MARCHF1: variants seen among roughly 807,000 people sequenced by gnomAD.
The protein encoded by MARCHF1 is E3 ubiquitin-protein ligase MARCHF1.
MARCHF1 carries 40 observed loss-of-function variants against 54.2 expected under a neutral mutation model. The observed-to-expected ratio is 0.74, with a 90% CI of 0.57 to 0.96. The LOEUF (loss-of-function observed/expected upper bound fraction) is 0.96, where lower values mean the gene tolerates loss of function less well. Among genes scored for constraint, MARCHF1 ranks in the 40% least tolerant of loss-of-function variants. MARCHF1 has a pLI of 0.00. For missense variants in MARCHF1, 586 were observed against 656.5 expected (o/e 0.89, Z 1.17); for synonymous variants, 236 against 236.3 (o/e 1.00, Z 0.01).
At chr4:164,339,478 T>C (rs1018365604) in intron 1 of MARCHF1, among the ~76,000 whole-genome samples, 37 of 152,132 alleles carry the variant, frequency 2.4e-4, no homozygotes, top group Middle Eastern at 6.8e-3. Context: ...GAACAACCAA[T>C]GATCCAAAAC....
At chr4:164,257,820 T>C (rs1733335931) in intron 1 of MARCHF1, among the ~76,000 whole-genome samples, 2 of 152,142 alleles carry the variant, frequency 1.3e-5, no homozygotes. Context: ...ATACAAAATA[T>C]TAGTGGGGCA....
At chr4:163,732,401 C>A (rs1745870811) in intron 4 of MARCHF1, among the ~76,000 whole-genome samples, 1 of 152,106 alleles carries the variant, frequency 6.6e-6, no homozygotes, top group Admixed American at 6.6e-5. Context: ...TAGAGGCTAA[C>A]TCTAAGCAGC....
intron 1 of MARCHF1, among the ~76,000 whole-genome samples, chr4:164,232,979 C>T (rs1000869200): frequency 6.6e-6 from 1 of 152,096 alleles, no homozygotes; most frequent in Admixed American, 6.6e-5. Flanking sequence ...ACAAAACTAG[C>T]TACAACGCTT....
In MARCHF1 at chr4:163,614,035, TTTCACTA is replaced by T. The variant is rs370318247; in HGVS notation, c.163-649_163-643del. 3.9e-4 allele frequency among the ~76,000 whole-genome samples: 60 copies of T among 152,242 alleles called. 1 individual carries two copies. The highest frequency in any genetic ancestry group is 1.4e-3 in the African/African-American group (58 of 41,552). ...GATTATTAGCATAAAGTTGAGTGCA[TTTCACTA>T]AAGTCCTACCTTTGAAACAGTATTT... On this transcript the variant is annotated intron_variant, in intron 5 of 9. Transcript: ENST00000514618.
chr4:163,949,381 CAGCCCTG>C (rs1023337330), intron 3 of MARCHF1, among the ~76,000 whole-genome samples: 17 of 152,306 alleles, frequency 1.1e-4, no homozygotes, highest in South Asian at 4.1e-4. Context: ...GAGGGTGTCA[CAGCCCTG>C]GCTCGTGAAG....
rs530327217 is a variant in MARCHF1, at chr4:164,117,338, ACTTT to A, written c.-322-5680_-322-5677del. On this transcript the variant is annotated intron_variant, in intron 1 of 9. Transcript: ENST00000514618. Reference sequence around the variant, plus strand: ...TAAATTTTTGTAATAACAAAAGATAACTTTCTTCTTATTTTAGGTCAAGGCTTAT... The same window carrying A: ...TAAATTTTTGTAATAACAAAAGATAACTTCTTATTTTAGGTCAAGGCTTAT... Among the ~76,000 whole-genome samples, 1,217 of 152,178 alleles carry A rather than the reference ACTTT, an allele frequency of 8.0e-3. 12 individuals are homozygous for A. Among genetic ancestry groups the A allele is most frequent in the Middle Eastern group, 0.041 (12 of 294 alleles).
At chr4:163,806,219 A>G (rs552549254) in intron 4 of MARCHF1, among the ~76,000 whole-genome samples, 1 of 152,346 alleles carries the variant, frequency 6.6e-6, no homozygotes, top group Non-Finnish European at 1.5e-5. Flanking sequence ...TCAAAGTGCT[A>G]ATCACCATCT....
intron 1 of MARCHF1, among the ~76,000 whole-genome samples, chr4:164,199,499 C>G (rs867973692): frequency 5.3e-5 from 8 of 151,880 alleles, no homozygotes; most frequent in African/African-American, 1.7e-4. Context: ...AAAAGTTAGC[C>G]AGCTGTTGTA....
intron 1 of MARCHF1, among the ~76,000 whole-genome samples, chr4:164,315,055 GT>G (rs1734959700): frequency 6.6e-6 from 1 of 152,092 alleles, no homozygotes; most frequent in Non-Finnish European, 1.5e-5. Flanking sequence ...TTATGCCACA[GT>G]TTACTGGAGT....
chr4:164,272,223 A>G (rs1733761296), intron 1 of MARCHF1, among the ~76,000 whole-genome samples: 2 of 152,032 alleles, frequency 1.3e-5, no homozygotes, highest in African/African-American at 2.4e-5. Context: ...ATTATAGAAT[A>G]AAGTTGTGAG....
At chr4:164,106,161 G>A (rs940560426) in intron 2 of MARCHF1, among the ~76,000 whole-genome samples, 1 of 148,100 alleles carries the variant, frequency 6.8e-6, no homozygotes, top group African/African-American at 2.6e-5. Flanking sequence ...CTTTTACACT[G>A]TTGGTGGGAA....
At chr4:163,917,355 A>G (rs1392752660) in intron 3 of MARCHF1, among the ~76,000 whole-genome samples, 1 of 152,148 alleles carries the variant, frequency 6.6e-6, no homozygotes, top group African/African-American at 2.4e-5. Flanking sequence ...TTTGTCTTCC[A>G]ACAATGTACC....
chr4:163,646,772 A>C (rs987922448), intron 5 of MARCHF1, among the ~76,000 whole-genome samples: 2 of 152,138 alleles, frequency 1.3e-5, no homozygotes, highest in Admixed American at 6.6e-5. Flanking sequence ...AGATACACAA[A>C]AGATAAAGGG....
intron 4 of MARCHF1, among the ~76,000 whole-genome samples, chr4:163,798,214 C>G (rs1390391122): frequency 6.6e-6 from 1 of 151,836 alleles, no homozygotes; most frequent in Non-Finnish European, 1.5e-5. Context: ...AGAGAAATGT[C>G]TCTCTCTCTC....
At chr4:164,042,344 C>T (rs916566309) in intron 2 of MARCHF1, among the ~76,000 whole-genome samples, 4 of 152,074 alleles carry the variant, frequency 2.6e-5, no homozygotes, top group African/African-American at 9.7e-5. Context: ...TAACAGGAAG[C>T]ATAATTAGGA....
chr4:163,669,055 G>C (rs940861695), intron 5 of MARCHF1, among the ~76,000 whole-genome samples: 5 of 152,154 alleles, frequency 3.3e-5, no homozygotes, highest in African/African-American at 1.2e-4. Context: ...TTCAAGCTGA[G>C]TGATTTTCAG....
chr4:164,172,668 A>G (rs1381587282), intron 1 of MARCHF1, among the ~76,000 whole-genome samples: 1 of 152,194 alleles, frequency 6.6e-6, no homozygotes, highest in African/African-American at 2.4e-5. Flanking sequence ...AGATTATTAT[A>G]AAAGGACACT....
At chr4:164,182,270 A>C (rs1020905692) in intron 1 of MARCHF1, among the ~76,000 whole-genome samples, 1 of 151,548 alleles carries the variant, frequency 6.6e-6, no homozygotes, top group African/African-American at 2.4e-5. Context: ...ATAATTTAGA[A>C]AAGATTTAAA....
chr4:164,252,305 C>T (rs1408488042), intron 1 of MARCHF1, among the ~76,000 whole-genome samples: 1 of 151,960 alleles, frequency 6.6e-6, no homozygotes, highest in African/African-American at 2.4e-5. Context: ...AAATGTGTAA[C>T]TATATGTCTC....
Sources: allele counts gnomAD v4.1 joint callset (sites outside exome capture counted in the v4.1 genomes callset), GRCh38; gene constraint gnomAD v4.1.1; transcripts MANE v1.5; gene names NCBI Gene and HGNC (gene_info 2026-07-23, HGNC 2026-07-21).